DZIP1: variants seen among roughly 807,000 people sequenced by gnomAD.
The protein encoded by DZIP1 is cilium assembly protein DZIP1.
Under a neutral mutation model 107.6 loss-of-function variants are expected in DZIP1, and 97 were observed. That is an observed-to-expected ratio of 0.90 (90% CI 0.77 to 1.07). The LOEUF (loss-of-function observed/expected upper bound fraction) is 1.07, where lower values mean the gene tolerates loss of function less well. Ranked by LOEUF, DZIP1 falls within the 50% of genes least tolerant of loss-of-function variation. The pLI, the probability that DZIP1 is intolerant of heterozygous loss-of-function variation, is 0.00. For synonymous variants in DZIP1, 390 were observed against 386.4 expected, an observed-to-expected ratio of 1.01 and a Z score of -0.11; for missense variants, 1,035 against 1,063.6, an observed-to-expected ratio of 0.97 and a Z score of 0.37.
chr13:95,616,368 C>T (rs191710587), intron 10 of DZIP1, among the ~76,000 whole-genome samples: 21 of 152,224 alleles, frequency 1.4e-4, no homozygotes, highest in African/African-American at 4.6e-4. Flanking sequence ...TCTATGAAAA[C>T]AAGGCTGAAT....
chr13:95,612,180 G>GA lies in DZIP1; in HGVS notation c.1174-4dup. 1.9e-6 allele frequency: 3 copies of GA among 1,603,574 alleles called. No individual in the cohort carries two copies. The highest frequency in any genetic ancestry group is 2.2e-5 in the East Asian group (1 of 44,838). ...AGTTTCTCTATATGTGACAGGAGCT[G>GA]AAAAAAAGTTAAGAAAGGCATCCAT... On this transcript the variant is annotated splice_region_variant and splice_polypyrimidine_tract_variant and intron_variant, in intron 10 of 22. Coordinates refer to ENST00000376829, the MANE Select transcript of DZIP1 (RefSeq NM_198968.4).
chr13:95,582,450 A>T (rs2044033635), intron 22 of DZIP1, 137 bp from the exon 23 acceptor site: 1 of 733,780 alleles, frequency 1.4e-6, no homozygotes, highest in Admixed American at 2.2e-5. Flanking sequence ...CTCATCTCCC[A>T]ACCCTCATGA....
chr13:95,592,046 G>A (rs951942372), intron 16 of DZIP1, among the ~76,000 whole-genome samples: 2 of 152,138 alleles, frequency 1.3e-5, no homozygotes, highest in African/African-American at 4.8e-5. Context: ...AAATCCAAAT[G>A]TATATAGGGA....
intron 11 of DZIP1, 130 bp downstream of exon 11, chr13:95,611,907 A>G: frequency 8.3e-7 from 1 of 1,202,104 alleles, no homozygotes; most frequent in South Asian, 1.9e-5. Flanking sequence ...TTTACAAGCA[A>G]TCACAAGGGG....
At chr13:95,598,557 A>T (rs2044524015) in intron 15 of DZIP1, among the ~76,000 whole-genome samples, 1 of 152,140 alleles carries the variant, frequency 6.6e-6, no homozygotes, top group African/African-American at 2.4e-5. Flanking sequence ...ATTAGGATAT[A>T]TATCATTTGA....
At chr13:95,630,813 C>G (rs374460215) in intron 6 of DZIP1, 1 of 1,131,016 alleles carries the variant, frequency 8.8e-7, no homozygotes, top group African/African-American at 1.6e-5. Flanking sequence ...TCAAAGATGA[C>G]CTGAAGAAAT....
At chr13:95,600,579 A>AGAT (rs1566376263) in intron 14 of DZIP1, among the ~76,000 whole-genome samples, 1 of 77,886 alleles carries the variant, frequency 1.3e-5, no homozygotes, top group African/African-American at 3.1e-5. Context: ...TGATAGAGAT[A>AGAT]GATAGATAGA....
In DZIP1 at chr13:95,582,143, G is replaced by A; in HGVS notation, c.*91C>T. ...GTGTTGCTGTGGGAAACACGGTAAG[G>A]CAGAAGCACTAGAATCATGGAGGCA... is the stretch of plus-strand genomic sequence containing the variant. On this transcript the variant is annotated 3_prime_UTR_variant, in exon 23 of 23. Transcript: ENST00000376829. The A allele has an allele frequency of 8.1e-7, 1 of 1,234,556 alleles. No homozygotes were observed. Among genetic ancestry groups the A allele is most frequent in the South Asian group, 1.2e-5 (1 of 81,156 alleles). 76.5% of individuals were successfully genotyped at this position (1,234,556 alleles called of 1,614,324 possible). A position where few individuals can be genotyped will look rare whatever the true frequency, so the allele number is the denominator to read the frequency against.
chr13:95,636,984 A>G (rs555533498), intron 5 of DZIP1: 3 of 152,320 alleles, frequency 2.0e-5, no homozygotes, highest in Admixed American at 2.0e-4. Flanking sequence ...ACTCACAAGA[A>G]AAAAACTTTA....
At chr13:95,625,239 TTAAAGAAAACATATATTGAGCAA>T (rs1876392920) in intron 7 of DZIP1, among the ~76,000 whole-genome samples, 1 of 152,164 alleles carries the variant, frequency 6.6e-6, no homozygotes, top group African/African-American at 2.4e-5. Flanking sequence ...TAAATATACT[TTAAAGAAAACATATATTGAGCAA>T]TAAAAGAACA....
intron 18 of DZIP1, 62 bp from the exon 19 acceptor site, chr13:95,589,269 A>G (rs1387844131): frequency 3.0e-6 from 4 of 1,332,996 alleles, no homozygotes; most frequent in Non-Finnish European, 4.2e-6. Flanking sequence ...TTTCACATAC[A>G]TTTCTATGGA....
chr13:95,633,440 TAGG>T lies in DZIP1; in HGVS notation c.598-122_598-120del, dbSNP rs1877436514. 22 of 813,710 alleles carry T rather than the reference TAGG, an allele frequency of 2.7e-5. No individual in the cohort carries two copies. The South Asian group carries it at 3.4e-4, about 13-fold the overall frequency. 50.4% of individuals were successfully genotyped at this position (813,710 alleles called of 1,614,324 possible). On this transcript the variant is annotated intron_variant, in intron 5 of 22. Transcript: ENST00000376829. ...GCTCACGCCTGTAATCCCAGCACTT[TAGG>T]AGGTCAAGGTAGGCAGATCACCCAA...
At chr13:95,627,421 C>G (rs1876677449) in intron 7 of DZIP1, among the ~76,000 whole-genome samples, 1 of 152,134 alleles carries the variant, frequency 6.6e-6, no homozygotes, top group African/African-American at 2.4e-5. Context: ...ATATAAATAA[C>G]TCATACAGCT....
At chr13:95,623,736 T>A (rs1397775580) in intron 8 of DZIP1, among the ~76,000 whole-genome samples, 1 of 151,910 alleles carries the variant, frequency 6.6e-6, no homozygotes, top group Admixed American at 6.5e-5. Context: ...AGGCCAGGAG[T>A]TCGACACCAT....
In DZIP1 at chr13:95,589,844, A is replaced by G. The variant is rs147610394; in HGVS notation, c.1932T>C (p.Ile644=). 13 of 1,614,162 alleles carry G rather than the reference A, an allele frequency of 8.1e-6. No homozygotes were observed. The highest frequency in any genetic ancestry group is 1.1e-5 in the Non-Finnish European group (13 of 1,180,008). Reference sequence around the variant, plus strand: ...TATCAGTAGAAACAGCTTTTTGTCTAATCAGTTGTCTGTTTTTGGAAGGAA... The same window carrying G: ...TATCAGTAGAAACAGCTTTTTGTCTGATCAGTTGTCTGTTTTTGGAAGGAA... ...IQLPSKNRQL[I]RQKAVSTDRT... is the part of the protein sequence containing the mutation. Residue 644 remains isoleucine, a synonymous_variant, in exon 18 of 23, where the codon ATT becomes ATC. Coordinates refer to ENST00000376829, the MANE Select transcript of DZIP1 (RefSeq NM_198968.4).
intron 10 of DZIP1, chr13:95,618,066 A>G (rs1007110847): frequency 2.7e-5 from 14 of 517,500 alleles, no homozygotes; most frequent in Non-Finnish European, 4.6e-5. Flanking sequence ...CTGATCTGGA[A>G]CTCAGAAGAG....
intron 5 of DZIP1, among the ~76,000 whole-genome samples, chr13:95,635,198 CTTTTTT>C (rs141715380): frequency 7.5e-6 from 1 of 133,376 alleles, no homozygotes; most frequent in African/African-American, 2.8e-5. Context: ...TGCATATTTC[CTTTTTT>C]TTTTTTTTTT....
chr13:95,603,399 C>G (rs1407088948), intron 14 of DZIP1, among the ~76,000 whole-genome samples: 3 of 151,316 alleles, frequency 2.0e-5, no homozygotes, highest in Admixed American at 6.6e-5. Context: ...ATACATAAGC[C>G]CCTCACAATT....
At chr13:95,590,492 C>T (rs2044283248) in intron 16 of DZIP1, 51 bp from the exon 17 acceptor site, 1 of 1,535,296 alleles carries the variant, frequency 6.5e-7, no homozygotes. Flanking sequence ...GGTTTCATTT[C>T]ATGGGCATAT....
Sources: allele counts gnomAD v4.1 joint callset (sites outside exome capture counted in the v4.1 genomes callset), GRCh38; gene constraint gnomAD v4.1.1; transcripts MANE v1.5; gene names NCBI Gene and HGNC (gene_info 2026-07-23, HGNC 2026-07-21).